Variants in RPL23A observed in about 807,000 individuals in gnomAD.
RPL23A encodes ribosomal protein L23a, also known as large ribosomal subunit protein uL23.
Under a neutral mutation model 17.6 loss-of-function variants are expected in RPL23A, and 2 were observed. The observed-to-expected ratio is 0.11, with a 90% CI of 0.05 to 0.36. The LOEUF is 0.36. Among genes scored for constraint, RPL23A ranks in the 10% least tolerant of loss-of-function variants. RPL23A has a pLI of 1.00. For synonymous variants in RPL23A, 65 were observed against 74.3 expected, an observed-to-expected ratio of 0.87 and a Z score of 0.65; for missense variants, 132 against 194.4, an observed-to-expected ratio of 0.68 and a Z score of 1.91.
chr17:28,721,288 A>AGGTTGC lies in RPL23A; in HGVS notation c.209+402_209+407dup, dbSNP rs2034110198. 1.5e-5 allele frequency: 3 copies of AGGTTGC among 196,642 alleles called. No homozygotes were observed. The East Asian group carries it at 3.9e-4, about 25-fold the overall frequency. 12.2% of individuals were successfully genotyped at this position (196,642 alleles called of 1,614,324 possible). The stretch of plus-strand genomic sequence containing the variant: ...AGAATCGCTTGAACCCGGGAGGTGG[A>AGGTTGC]GGTTGCGGTGAGCGGAGATCGTACC... On this transcript the variant is annotated intron_variant, in intron 2 of 4. Transcript: ENST00000422514.
intron 1 of RPL23A, chr17:28,720,504 G>T (rs764583402): frequency 1.3e-6 from 2 of 1,556,082 alleles, no homozygotes; most frequent in Admixed American, 1.7e-5. Context: ...TTTCATAGTC[G>T]TATCCCTGGA....
rs569460754 is a variant in RPL23A at position 28,720,235 on chromosome 17, C to T, written c.25+205C>T. On this transcript the variant is annotated intron_variant, in intron 1 of 4. Transcript: ENST00000422514. Reference sequence around the variant, plus strand: ...TCCGGTAGAGGGAGTTGGGGGGGGGCAACGCGGCAGGCATCATCCGCCAGG... The same window carrying T: ...TCCGGTAGAGGGAGTTGGGGGGGGGTAACGCGGCAGGCATCATCCGCCAGG... The T allele has an allele frequency of 1.1e-4, 168 of 1,534,304 alleles. No individual in the cohort carries two copies. In the East Asian group the frequency reaches 3.7e-3, roughly 34 times the overall value.
chr17:28,723,674 A>C, intron 4 of RPL23A, 34 bp downstream of exon 4: 3 of 1,594,022 alleles, frequency 1.9e-6, no homozygotes, highest in Non-Finnish European at 2.6e-6. Flanking sequence ...CTTAATGCTC[A>C]CCCCTTGGGT....
intron 4 of RPL23A, 50 bp from the exon 5 acceptor site, chr17:28,723,817 T>G: frequency 1.9e-6 from 3 of 1,564,676 alleles, no homozygotes; most frequent in Non-Finnish European, 2.6e-6. Context: ...ACATTCCAGC[T>G]TAATCTTCAT....
chr17:28,723,208 C>A, intron 3 of RPL23A: 1 of 530,378 alleles, frequency 1.9e-6, no homozygotes, highest in Non-Finnish European at 3.4e-6. Flanking sequence ...GTGTGTGAGC[C>A]TTGAGGCAGG....
chr17:28,720,404 C>T (rs553328747), intron 1 of RPL23A: 4 of 1,592,782 alleles, frequency 2.5e-6, no homozygotes, highest in East Asian at 4.5e-5. Flanking sequence ...ACCCGCCCCT[C>T]TCTCCGCAGC....
intron 2 of RPL23A, chr17:28,722,409 C>T (rs1033857031): frequency 6.7e-6 from 3 of 450,586 alleles, no homozygotes; most frequent in African/African-American, 2.0e-5. Context: ...GATCTCTTGA[C>T]CTCGTGATCA....
At position 28,723,576 on chromosome 17, in the gene RPL23A, A is replaced by C; in HGVS notation, c.392A>C (p.Asp131Ala). The change falls in exon 4 of 5, where the codon GAT becomes GCT. Residue 131 changes from aspartate to alanine, a missense_variant. Coordinates refer to ENST00000422514, the MANE Select transcript of RPL23A (RefSeq NM_000984.6). Reference sequence around the variant, plus strand: ...GGCTTCCTTCTCTACCCTAGGCCTGATGGAGAGAAGAAGGCATATGTTCGA... The same window carrying C: ...GGCTTCCTTCTCTACCCTAGGCCTGCTGGAGAGAAGAAGGCATATGTTCGA... ...VAKVNTLIRPDGEKKAYVRLA... is the reference protein window; with the variant it reads ...VAKVNTLIRPAGEKKAYVRLA... The C allele has an allele frequency of 1.9e-6, 3 of 1,613,388 alleles. No individual in the cohort carries two copies. The highest frequency in any genetic ancestry group is 2.5e-6 in the Non-Finnish European group (3 of 1,179,358).
intron 3 of RPL23A, 95 bp downstream of exon 3, chr17:28,722,994 TC>T: frequency 1.1e-6 from 1 of 930,990 alleles, no homozygotes; most frequent in Non-Finnish European, 1.7e-6. Flanking sequence ...GTTTAGGTAG[TC>T]CTGGTAATGC....
chr17:28,723,306 C>T, intron 3 of RPL23A: 2 of 634,364 alleles, frequency 3.2e-6, no homozygotes, highest in Non-Finnish European at 5.8e-6. Flanking sequence ...TTTCTGGGTC[C>T]CTACTTCTAT....
rs1053926043 is a variant in RPL23A at position 28,721,046 on chromosome 17, C to T, written c.209+156C>T. 2.4e-5 allele frequency: 17 copies of T among 708,622 alleles called. No individual in the cohort carries two copies. In the East Asian group the frequency reaches 4.7e-4, roughly 19 times the overall value. 43.9% of individuals were successfully genotyped at this position (708,622 alleles called of 1,614,324 possible). A position where few individuals can be genotyped will look rare whatever the true frequency, so the allele number is the denominator to read the frequency against. On this transcript the variant is annotated intron_variant, in intron 2 of 4. Transcript: ENST00000422514. Reference sequence around the variant, plus strand: ...GAGGAGATTGTTTCTGCTGCATTTACAAAACTGGCAGGATCAGCCCAGAGG... The same window carrying T: ...GAGGAGATTGTTTCTGCTGCATTTATAAAACTGGCAGGATCAGCCCAGAGG...
At chr17:28,720,493 G>C (rs1384501224) in intron 1 of RPL23A, 2 of 1,572,576 alleles carry the variant, frequency 1.3e-6, no homozygotes, top group Non-Finnish European at 1.8e-6. Flanking sequence ...GTGCTACTTT[G>C]TTTCATAGTC....
At chr17:28,720,604 A>G (rs1451989895) in intron 1 of RPL23A, 103 bp from the exon 2 acceptor site, 11 of 1,398,488 alleles carry the variant, frequency 7.9e-6, no homozygotes, top group Non-Finnish European at 1.1e-5. Flanking sequence ...CTTCAAAGGA[A>G]CCACTGATGC....
rs564602460 is a variant in RPL23A at position 28,720,172 on chromosome 17, A to G, written c.25+142A>G. The G allele has an allele frequency of 5.8e-5, 88 of 1,528,168 alleles. No homozygotes were observed. The South Asian group carries it at 9.6e-4, about 17-fold the overall frequency. 94.7% of individuals were successfully genotyped at this position (1,528,168 alleles called of 1,614,324 possible). A position where few individuals can be genotyped will look rare whatever the true frequency, so the allele number is the denominator to read the frequency against. On this transcript the variant is annotated intron_variant, in intron 1 of 4. Transcript: ENST00000422514. ...CCCTGCGTTTCGGACACGCTGCAGT[A>G]TACGTGGGCCGCGTGGGCCCAGCCT...
intron 3 of RPL23A, chr17:28,723,247 TTGTG>T (rs1555561749): frequency 9.0e-5 from 49 of 545,176 alleles, no homozygotes; most frequent in Non-Finnish European, 6.6e-6. Context: ...TTACAGACCT[TTGTG>T]TGGACCTGAG....
At chr17:28,723,767 A>C (rs762214615) in intron 4 of RPL23A, 100 bp from the exon 5 acceptor site, 153 of 1,392,354 alleles carry the variant, frequency 1.1e-4, no homozygotes, top group Non-Finnish European at 1.5e-4. Context: ...ATCCTTGACA[A>C]ACCTTATCCT....
chr17:28,723,007 G>A (rs1304441606), intron 3 of RPL23A, 108 bp downstream of exon 3: 5 of 804,064 alleles, frequency 6.2e-6, no homozygotes, highest in South Asian at 6.2e-5. Context: ...TGGTAATGCA[G>A]GACTACACGT....
Position 28,720,691 on chromosome 17 carries a change from T to C in RPL23A, c.26-16T>C. 6.2e-7 allele frequency: 1 copy of C among 1,614,112 alleles called. No homozygotes were observed. Among genetic ancestry groups the C allele is most frequent in the Middle Eastern group, 1.7e-4 (1 of 6,060 alleles). On this transcript the variant is annotated splice_polypyrimidine_tract_variant and intron_variant, in intron 1 of 4. Coordinates refer to ENST00000422514, the MANE Select transcript of RPL23A (RefSeq NM_000984.6). ...TTCTAAATCCCGCACCCACGTTTTC[T>C]TTCCTTTTCTCCCAGCTCCTGCCCC... is the stretch of plus-strand genomic sequence containing the variant.
chr17:28,721,095 T>TA (rs2034106376), intron 2 of RPL23A: 2 of 491,592 alleles, frequency 4.1e-6, no homozygotes, highest in Non-Finnish European at 7.4e-6. Flanking sequence ...CTCACGTCTG[T>TA]AATCCCAGCA....
Sources: gnomAD v4.1 joint callset for allele counts on GRCh38, gnomAD v4.1.1 for gene constraint, MANE v1.5 for transcripts, NCBI Gene and HGNC (gene_info 2026-07-23, HGNC 2026-07-21) for gene names.